Variants in GSK3B observed in about 807,000 individuals in gnomAD.
GSK3B encodes glycogen synthase kinase 3 beta.
A neutral mutation model predicts 56.4 loss-of-function variants in GSK3B; 15 were observed. That is an observed-to-expected ratio of 0.27 (90% CI 0.18 to 0.41). The LOEUF (loss-of-function observed/expected upper bound fraction) is 0.41. GSK3B is among the 10% of genes least tolerant of loss of function. The pLI is 1.00. For missense variants in GSK3B, 300 were observed against 513.4 expected (o/e 0.58, Z 4.02); for synonymous variants, 181 against 188.9 (o/e 0.96, Z 0.34).
intron 1 of GSK3B, among the ~76,000 whole-genome samples, chr3:120,028,485 T>G (rs1387993469): frequency 2.0e-5 from 3 of 152,194 alleles, no homozygotes; most frequent in Non-Finnish European, 4.4e-5. Context: ...CCTCATATCC[T>G]TGTTTACGTA....
rs138628806 is a variant in GSK3B, at chr3:119,941,278, A to G, written c.366+5990T>C. Among the ~76,000 whole-genome samples the G allele has an allele frequency of 8.6e-4, 131 of 152,246 alleles. No individual in the cohort carries two copies. The East Asian group carries it at 0.021, about 24-fold the overall frequency. On this transcript the variant is annotated intron_variant, in intron 3 of 10. Transcript: ENST00000264235. ...GAGATTCACCCGCCTCGGCCTCTCA[A>G]AAGTGCTGGGATTACAGGCGTAAAC...
At position 120,009,650 on chromosome 3, in the gene GSK3B, T is replaced by C. The variant is rs1241419505; in HGVS notation, c.89-7411A>G. 2.0e-5 allele frequency among the ~76,000 whole-genome samples: 3 copies of C among 151,102 alleles called. No individual in the cohort carries two copies. The East Asian group carries it at 5.8e-4, about 29-fold the overall frequency. The stretch of plus-strand genomic sequence containing the variant: ...GTGGGAGTTGAACAATGAGAACACA[T>C]GGACACAGGGAGGTGAACATCACAC... On this transcript the variant is annotated intron_variant, in intron 1 of 10. Transcript: ENST00000264235.
At chr3:119,904,662 G>A (rs888459159) in intron 7 of GSK3B, among the ~76,000 whole-genome samples, 1 of 152,086 alleles carries the variant, frequency 6.6e-6, no homozygotes, top group African/African-American at 2.4e-5. Flanking sequence ...TTACAGCTCA[G>A]TACAATAAAA....
chr3:120,000,149 G>T (rs1298418034), intron 2 of GSK3B, among the ~76,000 whole-genome samples: 2 of 152,118 alleles, frequency 1.3e-5, no homozygotes, highest in African/African-American at 4.8e-5. Flanking sequence ...GAGGAAAAAA[G>T]AAAATCAAGT....
chr3:120,025,856 A>C (rs2057918595), intron 1 of GSK3B, among the ~76,000 whole-genome samples: 1 of 152,198 alleles, frequency 6.6e-6, no homozygotes, highest in Admixed American at 6.5e-5. Context: ...AACTTCTACC[A>C]CTGTTTGGCT....
At chr3:119,851,536 A>C (rs1559807757) in intron 9 of GSK3B, among the ~76,000 whole-genome samples, 1 of 152,216 alleles carries the variant, frequency 6.6e-6, no homozygotes, top group Non-Finnish European at 1.5e-5. Context: ...ATTTGAGAGC[A>C]GCAATCAATG....
At chr3:119,847,825 G>A (rs1415262515) in intron 9 of GSK3B, among the ~76,000 whole-genome samples, 1 of 152,122 alleles carries the variant, frequency 6.6e-6, no homozygotes, top group Non-Finnish European at 1.5e-5. Context: ...TTTAAAAGGT[G>A]GTGGTGTCAT....
intron 1 of GSK3B, among the ~76,000 whole-genome samples, chr3:120,040,751 A>C (rs972988264): frequency 6.6e-5 from 10 of 152,020 alleles, no homozygotes; most frequent in African/African-American, 2.4e-4. Flanking sequence ...TAGAAAAGCC[A>C]GTTCCCATGC....
At position 120,006,294 on chromosome 3, in the gene GSK3B, G is replaced by C. The variant is rs139111631; in HGVS notation, c.89-4055C>G. Among the ~76,000 whole-genome samples the C allele has an allele frequency of 4.0e-4, 61 of 152,232 alleles. No homozygotes were observed. In the East Asian group the frequency reaches 0.012, roughly 29 times the overall value. ...CCTTGGAGACCTACAAAGAGACTGA[G>C]ACTCCCACACAATAATAATGGGAGA... On this transcript the variant is annotated intron_variant, in intron 1 of 10. Transcript: ENST00000264235.
chr3:120,033,314 T>C (rs868634340), intron 1 of GSK3B, among the ~76,000 whole-genome samples: 1 of 152,210 alleles, frequency 6.6e-6, no homozygotes, highest in Non-Finnish European at 1.5e-5. Flanking sequence ...CATGTGTATA[T>C]ATGAACATAT....
At chr3:119,943,914 T>C (rs1161202727) in intron 3 of GSK3B, among the ~76,000 whole-genome samples, 2 of 151,110 alleles carry the variant, frequency 1.3e-5, no homozygotes, top group African/African-American at 2.4e-5. Flanking sequence ...GACAGAAAGA[T>C]AGAGACTTGG....
chr3:119,845,904 C>T (rs1167802326), intron 9 of GSK3B, among the ~76,000 whole-genome samples: 1 of 151,646 alleles, frequency 6.6e-6, no homozygotes, highest in East Asian at 1.9e-4. Context: ...GCAAAGGCTA[C>T]AAGGCTACAG....
chr3:120,049,091 T>G lies in GSK3B; in HGVS notation c.88+44256A>C, dbSNP rs565804138. Among the ~76,000 whole-genome samples the G allele has an allele frequency of 8.5e-5, 13 of 152,356 alleles. No homozygotes were observed. In the East Asian group the frequency reaches 2.5e-3, roughly 29 times the overall value. On this transcript the variant is annotated intron_variant, in intron 1 of 10. Transcript: ENST00000264235. ...AATGTCCAACCCTCCAAAATGAATC[T>G]GTCTCTTCACTTTATCTACATGACA...
At chr3:119,882,549 A>G (rs527550648) in intron 7 of GSK3B, among the ~76,000 whole-genome samples, 2 of 152,310 alleles carry the variant, frequency 1.3e-5, no homozygotes, top group South Asian at 4.1e-4. Context: ...GCATTTCAAA[A>G]TAAGTTGCAG....
chr3:119,916,007 G>A (rs1029411011), intron 5 of GSK3B, 37 bp downstream of exon 5: 1 of 1,504,224 alleles, frequency 6.6e-7, no homozygotes, highest in South Asian at 1.1e-5. Context: ...GGGAGGAGGG[G>A]AAAAGGGAAG....
chr3:119,828,638 T>C (rs2055553609), intron 10 of GSK3B, among the ~76,000 whole-genome samples: 1 of 152,212 alleles, frequency 6.6e-6, no homozygotes, highest in African/African-American at 2.4e-5. Flanking sequence ...CTACTTTGAA[T>C]TTCTGAATTA....
intron 10 of GSK3B, among the ~76,000 whole-genome samples, chr3:119,834,928 G>C (rs2055666103): frequency 6.6e-6 from 1 of 152,218 alleles, no homozygotes; most frequent in Non-Finnish European, 1.5e-5. Flanking sequence ...AAGCTGGTTT[G>C]ATTTTAGGTA....
rs1559911276 is a variant in GSK3B, at chr3:120,093,667, T to C, written c.-233A>G. ...CACGGATATTTAACATATAGATGATTTAGGACTTGGGAAAAAATACAATTC... is the reference window on the plus strand; with the variant it reads ...CACGGATATTTAACATATAGATGATCTAGGACTTGGGAAAAAATACAATTC... On this transcript the variant is annotated 5_prime_UTR_variant, in exon 1 of 11. Coordinates refer to ENST00000264235, the MANE Select transcript of GSK3B (RefSeq NM_001146156.2). 2.5e-6 allele frequency: 1 copy of C among 407,724 alleles called. No individual in the cohort carries two copies. Among genetic ancestry groups the C allele is most frequent in the Non-Finnish European group, 4.4e-6 (1 of 227,552 alleles). 25.3% of individuals were successfully genotyped at this position (407,724 alleles called of 1,614,324 possible).
intron 7 of GSK3B, among the ~76,000 whole-genome samples, chr3:119,889,459 T>C (rs2056477339): frequency 6.6e-6 from 1 of 152,176 alleles, no homozygotes; most frequent in African/African-American, 2.4e-5. Flanking sequence ...CGGTTCTTGT[T>C]TTCTATATGA....
Sources: allele counts gnomAD v4.1 joint callset (sites outside exome capture counted in the v4.1 genomes callset), GRCh38; gene constraint gnomAD v4.1.1; transcripts MANE v1.5; gene names NCBI Gene and HGNC (gene_info 2026-07-23, HGNC 2026-07-21).